Variants in AFF2 observed in about 807,000 individuals in gnomAD.
AFF2 encodes the protein AF4/FMR2 family member 2.
AFF2 carries 14 observed loss-of-function variants against 76.9 expected under a neutral mutation model. The observed-to-expected ratio is 0.18, with a 90% confidence interval of 0.12 to 0.28. AFF2 has a LOEUF of 0.28. Ranked by LOEUF, AFF2 falls within the 10% of genes least tolerant of loss-of-function variation. The pLI is 1.00. For synonymous variants in AFF2, 398 were observed against 366.7 expected (o/e 1.09, Z -0.98); for missense variants, 868 against 1,001.1 (o/e 0.87, Z 1.79).
intron 3 of AFF2, among the ~76,000 whole-genome samples, chrX:148,723,527 T>TAGAC (rs1418070665): frequency 9.0e-6 from 1 of 111,614 alleles, no homozygotes; most frequent in Non-Finnish European, 1.9e-5. Context: ...ATAACTTCAG[T>TAGAC]AGACAATCAC....
At chrX:148,890,875 A>G (rs1218480563) in intron 8 of AFF2, among the ~76,000 whole-genome samples, 1 of 112,417 alleles carries the variant, frequency 8.9e-6, no homozygotes, top group Non-Finnish European at 1.9e-5. Flanking sequence ...TGAAGTTGAC[A>G]TTAGACATTG....
At chrX:148,546,838 A>G (rs1203557951) in intron 1 of AFF2, 6 of 112,000 alleles carry the variant, frequency 5.4e-5, no homozygotes, top group Admixed American at 4.7e-4. Flanking sequence ...GTTTAGATGT[A>G]TGATACTGCT....
chrX:148,751,683 T>C (rs1309319666), intron 3 of AFF2, among the ~76,000 whole-genome samples: 1 of 111,759 alleles, frequency 8.9e-6, no homozygotes, highest in African/African-American at 3.3e-5. Flanking sequence ...CATCTTGTCC[T>C]GGGTAGCCAA....
intron 3 of AFF2, among the ~76,000 whole-genome samples, chrX:148,777,196 A>G (rs1210832404): frequency 7.2e-5 from 8 of 111,087 alleles, no homozygotes; most frequent in African/African-American, 1.3e-4. Context: ...TGAGGCCTCT[A>G]TTCTGTTCCA....
intron 8 of AFF2, among the ~76,000 whole-genome samples, chrX:148,897,193 T>A (rs2071294388): frequency 1.3e-5 from 1 of 74,375 alleles, no homozygotes; most frequent in Non-Finnish European, 2.5e-5. Flanking sequence ...TATATATGAT[T>A]CAGGGCTAAA....
intron 7 of AFF2, among the ~76,000 whole-genome samples, chrX:148,861,963 G>GT (rs1330290301): frequency 9.2e-5 from 10 of 108,761 alleles, no homozygotes; most frequent in African/African-American, 2.3e-4. Flanking sequence ...CCTTTTGTCT[G>GT]TTTTTTTTTC....
Position 148,704,063 on chromosome X carries a change from T to C in AFF2, c.1041+41295T>C, listed in dbSNP as rs1017995217. 3.9e-4 allele frequency among the ~76,000 whole-genome samples: 40 copies of C among 103,311 alleles called. 1 individual carries two copies. Among genetic ancestry groups the C allele is most frequent in the Admixed American group, 5.8e-4 (5 of 8,562 alleles). The allele number at this position is 103,311 out of a possible 115,157, so 89.7% of individuals were successfully genotyped here. A position where few individuals can be genotyped will look rare whatever the true frequency, so the allele number is the denominator to read the frequency against. ...GGTGCATGCCACCACACCCTGCTAA[T>C]ATATATATTATAAATATATGCCTAT... On this transcript the variant is annotated intron_variant, in intron 3 of 20. Coordinates refer to ENST00000370460, the MANE Select transcript of AFF2 (RefSeq NM_002025.4).
chrX:148,683,985 G>C (rs5980385), intron 3 of AFF2, among the ~76,000 whole-genome samples: 5,149 of 111,318 alleles, frequency 0.046, 309 homozygotes, highest in African/African-American at 0.16. Flanking sequence ...ATTTGTGCCT[G>C]GTATACATTA....
intron 16 of AFF2, among the ~76,000 whole-genome samples, chrX:148,975,943 CA>C (rs59057839): frequency 0.061 from 1,389 of 22,640 alleles, 39 homozygotes; most frequent in South Asian, 0.37. Context: ...GACTCCGTCT[CA>C]AAAAAAAAAA....
chrX:148,516,666 G>A (rs2052538427), intron 1 of AFF2, among the ~76,000 whole-genome samples: 1 of 111,858 alleles, frequency 8.9e-6, no homozygotes, highest in Non-Finnish European at 1.9e-5. Context: ...TTATGATGGG[G>A]AAATTGAGGC....
intron 9 of AFF2, among the ~76,000 whole-genome samples, chrX:148,950,571 G>A (rs781961270): frequency 8.9e-6 from 1 of 111,744 alleles, no homozygotes; most frequent in Non-Finnish European, 1.9e-5. Context: ...GTATGTGTAA[G>A]TATAAAAAGC....
At chrX:148,711,114 A>G (rs1231508883) in intron 3 of AFF2, among the ~76,000 whole-genome samples, 1 of 112,125 alleles carries the variant, frequency 8.9e-6, no homozygotes, top group East Asian at 2.8e-4. Context: ...CAACTCAGTA[A>G]ATAAAGGATG....
chrX:148,823,089 CT>C (rs1203086714), intron 4 of AFF2, among the ~76,000 whole-genome samples: 1 of 111,597 alleles, frequency 9.0e-6, no homozygotes, highest in Non-Finnish European at 1.9e-5. Context: ...ACCCCTAGTG[CT>C]TTTGATGCAA....
intron 3 of AFF2, among the ~76,000 whole-genome samples, chrX:148,681,930 CACAA>C (rs1169849294): frequency 9.0e-6 from 1 of 111,657 alleles, no homozygotes; most frequent in Non-Finnish European, 1.9e-5. Flanking sequence ...CAAAGAAACA[CACAA>C]ACACACACAT....
chrX:148,847,676 T>C (rs1188756524), intron 7 of AFF2, among the ~76,000 whole-genome samples: 5 of 111,717 alleles, frequency 4.5e-5, no homozygotes, highest in Non-Finnish European at 1.9e-5. Flanking sequence ...ATGTGGGTGG[T>C]TGTTATGCAT....
chrX:148,842,246 T>C (rs907507802), intron 5 of AFF2, among the ~76,000 whole-genome samples: 2 of 112,574 alleles, frequency 1.8e-5, no homozygotes, highest in Non-Finnish European at 3.7e-5. Flanking sequence ...GTTTTGTCAG[T>C]ATCCACACAG....
chrX:148,601,236 G>T (rs1557248031), intron 1 of AFF2, among the ~76,000 whole-genome samples: 1 of 112,281 alleles, frequency 8.9e-6, no homozygotes, highest in Non-Finnish European at 1.9e-5. Flanking sequence ...GGGGAATGAG[G>T]CAGCTTAAGA....
At chrX:148,799,798 C>T (rs782143658) in intron 3 of AFF2, among the ~76,000 whole-genome samples, 19 of 111,890 alleles carry the variant, frequency 1.7e-4, no homozygotes, top group African/African-American at 5.8e-4. Context: ...CTTAGCATAG[C>T]GCCTCATTAA....
Position 148,505,143 on chromosome X carries a change from G to T in AFF2, c.47+3999G>T, listed in dbSNP as rs145748355. On this transcript the variant is annotated intron_variant, in intron 1 of 20. Coordinates refer to ENST00000370460, the MANE Select transcript of AFF2 (RefSeq NM_002025.4). ...TTGCTAGTACAGTATGCATTCTCCC[G>T]TGTGTTTGAGCATTCATTCAACAAA... Among the ~76,000 whole-genome samples the T allele has an allele frequency of 8.3e-3, 930 of 111,797 alleles. 14 individuals are homozygous for T. Among genetic ancestry groups the T allele is most frequent in the African/African-American group, 0.029 (886 of 30,769 alleles).
Sources: allele counts gnomAD v4.1 joint callset (sites outside exome capture counted in the v4.1 genomes callset), GRCh38; gene constraint gnomAD v4.1.1; transcripts MANE v1.5; gene names NCBI Gene and HGNC (gene_info 2026-07-23, HGNC 2026-07-21).